GLP1R: variants seen among roughly 807,000 people sequenced by gnomAD.
GLP1R encodes glucagon-like peptide 1 receptor.
In GLP1R, 32 loss-of-function variants were observed where a neutral mutation model predicts 68.4. The observed-to-expected ratio is 0.47, with a 90% CI of 0.35 to 0.63. The LOEUF (loss-of-function observed/expected upper bound fraction) is 0.63. Among genes scored for constraint, GLP1R ranks in the 20% least tolerant of loss-of-function variants. GLP1R has a pLI of 0.00. For synonymous variants in GLP1R, 263 were observed against 244.4 expected (o/e 1.08, Z -0.71); for missense variants, 502 against 594.9 (o/e 0.84, Z 1.62).
At chr6:39,072,763 T>C in intron 5 of GLP1R, 99 bp from the exon 6 acceptor site, 1 of 1,025,508 alleles carries the variant, frequency 9.8e-7, no homozygotes, top group Non-Finnish European at 1.5e-6. Flanking sequence ...GTCCCAGGGC[T>C]GGAAACATGC....
At chr6:39,059,354 C>T (rs1378424521) in intron 3 of GLP1R, among the ~76,000 whole-genome samples, 1 of 152,228 alleles carries the variant, frequency 6.6e-6, no homozygotes, top group Non-Finnish European at 1.5e-5. Flanking sequence ...GGTTTAGAGT[C>T]AGTGTGGCTA....
At chr6:39,084,849 G>A (rs945382814) in intron 12 of GLP1R, among the ~76,000 whole-genome samples, 3 of 152,190 alleles carry the variant, frequency 2.0e-5, no homozygotes, top group African/African-American at 7.2e-5. Flanking sequence ...AAGGAGGAGA[G>A]GAGGGTTGTT....
chr6:39,053,262 G>A (rs917924248), intron 1 of GLP1R, among the ~76,000 whole-genome samples: 1 of 152,184 alleles, frequency 6.6e-6, no homozygotes. Context: ...AGGGACTTAT[G>A]TTGTGGGAGG....
chr6:39,078,486 G>T (rs546686333), intron 8 of GLP1R, 104 bp downstream of exon 8: 2 of 821,910 alleles, frequency 2.4e-6, no homozygotes, highest in African/African-American at 3.3e-5. Flanking sequence ...AGGATAAAGG[G>T]GGGTACCAGG....
At chr6:39,071,345 C>CAAAAAAAAAAAAAAAAAAAA (rs35740935) in intron 5 of GLP1R, among the ~76,000 whole-genome samples, 1 of 85,926 alleles carries the variant, frequency 1.2e-5, no homozygotes, top group African/African-American at 4.8e-5. Context: ...GATTCCATCT[C>CAAAAAAAAAAAAAAAAAAAA]AAAAAAAAAA....
At chr6:39,062,729 C>T (rs1045991288) in intron 3 of GLP1R, among the ~76,000 whole-genome samples, 5 of 152,338 alleles carry the variant, frequency 3.3e-5, no homozygotes, top group African/African-American at 1.2e-4. Context: ...AACTTGGGAC[C>T]TCCGGAGGCA....
At chr6:39,061,221 C>G (rs1768349509) in intron 3 of GLP1R, among the ~76,000 whole-genome samples, 1 of 152,190 alleles carries the variant, frequency 6.6e-6, no homozygotes, top group South Asian at 2.1e-4. Context: ...GCAGATGAGT[C>G]AAAGACAGAA....
chr6:39,057,337 C>T, intron 2 of GLP1R, 135 bp from the exon 3 acceptor site: 1 of 641,288 alleles, frequency 1.6e-6, no homozygotes, highest in Non-Finnish European at 2.8e-6. Flanking sequence ...GGGGAAAGTG[C>T]TTGGCATACA....
chr6:39,069,985 G>A (rs1583633303), intron 5 of GLP1R, among the ~76,000 whole-genome samples: 1 of 152,312 alleles, frequency 6.6e-6, no homozygotes, highest in East Asian at 1.9e-4. Context: ...CTGAGATGGT[G>A]TCTTCTCACT....
intron 6 of GLP1R, 68 bp from the exon 7 acceptor site, chr6:39,073,542 G>T (rs560111977): frequency 7.4e-7 from 1 of 1,354,756 alleles, no homozygotes; most frequent in South Asian, 1.2e-5. Flanking sequence ...GGAGCAGGAC[G>T]GGGAGTGGTA....
At chr6:39,077,581 A>T (rs1316428131) in intron 7 of GLP1R, among the ~76,000 whole-genome samples, 1 of 152,212 alleles carries the variant, frequency 6.6e-6, no homozygotes, top group African/African-American at 2.4e-5. Flanking sequence ...ACATGCCATC[A>T]CTTCTGCCAG....
intron 3 of GLP1R, among the ~76,000 whole-genome samples, chr6:39,058,642 T>TATCATCATCATCATCATC (rs112102888): frequency 0.039 from 5,894 of 149,968 alleles, 192 homozygotes; most frequent in Non-Finnish European, 0.065. Context: ...GATATTTCCC[T>TATCATCATCATCATCATC]ATCATCATCA....
rs570622633 is a variant in GLP1R, at chr6:39,061,114, G to A, written c.283+3535G>A. 1.4e-4 allele frequency among the ~76,000 whole-genome samples: 22 copies of A among 152,336 alleles called. No homozygotes were observed. The East Asian group carries it at 2.9e-3, about 20-fold the overall frequency. ...GACATGGGGCCAGGCCACGGGCCTC[G>A]GAACTACGCAGTGTCCTGGAGAAGC... On this transcript the variant is annotated intron_variant, in intron 3 of 12. Coordinates refer to ENST00000373256, the MANE Select transcript of GLP1R (RefSeq NM_002062.5).
chr6:39,056,629 A>T (rs1768221305), intron 2 of GLP1R, 136 bp downstream of exon 2: 1 of 565,352 alleles, frequency 1.8e-6, no homozygotes, highest in African/African-American at 1.9e-5. Context: ...CCTTCATCTC[A>T]TTGTCCAAGC....
chr6:39,058,834 G>A (rs1169005477), intron 3 of GLP1R, among the ~76,000 whole-genome samples: 1 of 152,236 alleles, frequency 6.6e-6, no homozygotes, highest in Non-Finnish European at 1.5e-5. Flanking sequence ...TCCAAATGAT[G>A]TGGTCAATGG....
chr6:39,074,993 T>C (rs1286887676), intron 7 of GLP1R, among the ~76,000 whole-genome samples: 1 of 151,996 alleles, frequency 6.6e-6, no homozygotes, highest in Admixed American at 6.5e-5. Context: ...GTGACCAGTG[T>C]CTTGAGGACA....
intron 11 of GLP1R, 117 bp from the exon 12 acceptor site, chr6:39,080,581 C>T (rs574010522): frequency 3.4e-5 from 22 of 643,918 alleles, no homozygotes; most frequent in East Asian, 2.3e-4. Context: ...CTGCCTGGGC[C>T]GCTGGATTTG....
intron 1 of GLP1R, among the ~76,000 whole-genome samples, chr6:39,052,871 G>T (rs191279891): frequency 6.6e-6 from 1 of 152,216 alleles, no homozygotes; most frequent in Non-Finnish European, 1.5e-5. Context: ...CATTAACAGA[G>T]CTGGGATTTA....
chr6:39,080,559 C>G (rs554001455), intron 11 of GLP1R, 139 bp from the exon 12 acceptor site: 24 of 599,442 alleles, frequency 4.0e-5, no homozygotes, highest in Non-Finnish European at 6.6e-5. Context: ...AGCCACTGCC[C>G]CATTCCTGGA....
Sources: gnomAD v4.1 joint callset for allele counts (sites outside exome capture counted in the v4.1 genomes callset) on GRCh38, gnomAD v4.1.1 for gene constraint, MANE v1.5 for transcripts, NCBI Gene and HGNC (gene_info 2026-07-23, HGNC 2026-07-21) for gene names.